The following ALG9 variants were observed in gnomAD, a reference collection of about 807,000 sequenced individuals.
The protein encoded by ALG9 is ALG9 alpha-1,2-mannosyltransferase.
ALG9 carries 55 observed loss-of-function variants against 81.8 expected under a neutral mutation model. That is an observed-to-expected ratio of 0.67 (90% CI 0.54 to 0.84). The LOEUF (loss-of-function observed/expected upper bound fraction) is 0.84, where lower values mean the gene tolerates loss of function less well. Ranked by LOEUF, ALG9 falls within the 40% of genes least tolerant of loss-of-function variation. ALG9 has a pLI of 0.00. For synonymous variants in ALG9, 278 were observed against 274.3 expected (o/e 1.01, Z -0.13); for missense variants, 629 against 745.0 (o/e 0.84, Z 1.81).
chr11:111,860,786 A>G (rs780977570), intron 4 of ALG9, among the ~76,000 whole-genome samples, 151 bp from the exon 5 acceptor site: 6 of 152,256 alleles, frequency 3.9e-5, no homozygotes, highest in Non-Finnish European at 5.9e-5. Flanking sequence ...CACTGTGCAT[A>G]AGAAACCCAA....
At chr11:111,836,111 A>G (rs946232067) in intron 13 of ALG9, 54 bp downstream of exon 13, 4 of 1,610,924 alleles carry the variant, frequency 2.5e-6, no homozygotes, top group Non-Finnish European at 3.4e-6. Flanking sequence ...ACACCAACAG[A>G]CTTTTAGGCA....
At position 111,782,355 on chromosome 11, in the gene ALG9, T is replaced by C. The variant is rs1946008466; in HGVS notation, c.*4042A>G. On this transcript the variant is annotated 3_prime_UTR_variant, in exon 15 of 15. Coordinates refer to ENST00000616540, the MANE Select transcript of ALG9 (RefSeq NM_024740.2). The stretch of plus-strand genomic sequence containing the variant: ...CTGCTTCCTGATTTCATTTGCAGCA[T>C]GAATCACCTGGTTATACAGACTGGC... 6.6e-6 allele frequency: 1 copy of C among 152,584 alleles called. No individual in the cohort carries two copies. Among genetic ancestry groups the C allele is most frequent in the Non-Finnish European group, 1.5e-5 (1 of 68,046 alleles). 9.5% of individuals were successfully genotyped at this position (152,584 alleles called of 1,614,324 possible). A position where few individuals can be genotyped will look rare whatever the true frequency, so the allele number is the denominator to read the frequency against.
intron 5 of ALG9, among the ~76,000 whole-genome samples, chr11:111,858,125 C>T (rs964753391): frequency 6.6e-6 from 1 of 151,958 alleles, no homozygotes; most frequent in Non-Finnish European, 1.5e-5. Flanking sequence ...TTAGTAGAGA[C>T]GGGGTTTCAC....
At chr11:111,835,028 G>T (rs1954997793) in intron 13 of ALG9, among the ~76,000 whole-genome samples, 2 of 152,178 alleles carry the variant, frequency 1.3e-5, no homozygotes, top group African/African-American at 4.8e-5. Context: ...AAACCCTGAG[G>T]GTCTCCATGG....
chr11:111,804,768 C>T (rs1478705085), intron 14 of ALG9, among the ~76,000 whole-genome samples: 3 of 152,230 alleles, frequency 2.0e-5, no homozygotes, highest in Non-Finnish European at 2.9e-5. Flanking sequence ...CCACTACACA[C>T]CCATTAGAAT....
intron 13 of ALG9, among the ~76,000 whole-genome samples, chr11:111,810,840 G>A (rs896128100): frequency 6.6e-6 from 1 of 152,216 alleles, no homozygotes; most frequent in Non-Finnish European, 1.5e-5. Context: ...TTTGAAACAT[G>A]TACAGATATG....
intron 4 of ALG9, among the ~76,000 whole-genome samples, chr11:111,863,969 A>C (rs1961329737): frequency 6.6e-6 from 1 of 152,168 alleles, no homozygotes; most frequent in African/African-American, 2.4e-5. Flanking sequence ...AGAAAACGAT[A>C]ATTAGAAGTA....
At chr11:111,822,408 C>A (rs376550216) in intron 13 of ALG9, among the ~76,000 whole-genome samples, 235 of 66,484 alleles carry the variant, frequency 3.5e-3, no homozygotes, top group South Asian at 5.7e-3. Context: ...AACTCAGTCT[C>A]AAAAAAAAAA....
At chr11:111,870,151 A>T in intron 2 of ALG9, 81 bp downstream of exon 2, 3 of 1,437,154 alleles carry the variant, frequency 2.1e-6, no homozygotes, top group Non-Finnish European at 2.8e-6. Flanking sequence ...TCACACTTGT[A>T]TATTATTTGT....
intron 11 of ALG9, among the ~76,000 whole-genome samples, chr11:111,838,013 A>G (rs889373621): frequency 1.3e-5 from 2 of 152,232 alleles, no homozygotes; most frequent in African/African-American, 2.4e-5. Flanking sequence ...AAAGAAAAAA[A>G]CAACAAAAAT....
In ALG9 at chr11:111,786,143, A is replaced by G. The variant is rs782728364; in HGVS notation, c.*254T>C. ...AAAACAATGAGATGTGGAGCAATATATCTATCTGTGCTTTAGGGCCTTTCT... is the reference window on the plus strand; with the variant it reads ...AAAACAATGAGATGTGGAGCAATATGTCTATCTGTGCTTTAGGGCCTTTCT... On this transcript the variant is annotated 3_prime_UTR_variant, in exon 15 of 15. Transcript: ENST00000616540. The G allele has an allele frequency of 5.4e-6, 3 of 554,160 alleles. No homozygotes were observed. Among genetic ancestry groups the G allele is most frequent in the Non-Finnish European group, 1.0e-5 (3 of 291,066 alleles). 34.3% of individuals were successfully genotyped at this position (554,160 alleles called of 1,614,324 possible). A position where few individuals can be genotyped will look rare whatever the true frequency, so the allele number is the denominator to read the frequency against.
intron 14 of ALG9, among the ~76,000 whole-genome samples, chr11:111,799,147 A>G (rs1555078214): frequency 6.6e-5 from 10 of 152,004 alleles, no homozygotes; most frequent in Admixed American, 5.9e-4. Flanking sequence ...TATAACTCAC[A>G]GTATAATTTT....
intron 12 of ALG9, 36 bp from the exon 13 acceptor site, chr11:111,836,330 G>A (rs1555117671): frequency 1.9e-6 from 3 of 1,612,634 alleles, no homozygotes; most frequent in East Asian, 4.5e-5. Context: ...AAAAACACAG[G>A]GGGATAATAT....
At chr11:111,850,199 G>A (rs1364853575) in intron 8 of ALG9, among the ~76,000 whole-genome samples, 2 of 152,024 alleles carry the variant, frequency 1.3e-5, no homozygotes, top group African/African-American at 4.8e-5. Context: ...TCTCAAGCTA[G>A]CACCACAACA....
downstream of ALG9, among the ~76,000 whole-genome samples, chr11:111,781,315 T>G (rs893997245): frequency 6.6e-6 from 1 of 152,136 alleles, no homozygotes; most frequent in Non-Finnish European, 1.5e-5. Context: ...AAAAAAAAAT[T>G]TATTCCAGCT....
intron 2 of ALG9, among the ~76,000 whole-genome samples, chr11:111,869,778 A>AG (rs1398274095): frequency 1.4e-4 from 21 of 152,288 alleles, no homozygotes; most frequent in Non-Finnish European, 2.9e-5. Flanking sequence ...GCTTGAGCCT[A>AG]GGAGTTAAAT....
At chr11:111,827,811 GA>G (rs1565903206) in intron 13 of ALG9, among the ~76,000 whole-genome samples, 1 of 150,690 alleles carries the variant, frequency 6.6e-6, no homozygotes, top group Non-Finnish European at 1.5e-5. Flanking sequence ...AGGTTGCAGT[GA>G]GCTGAGATTA....
intron 14 of ALG9, among the ~76,000 whole-genome samples, chr11:111,798,440 T>C (rs925199713): frequency 1.3e-5 from 2 of 151,856 alleles, no homozygotes; most frequent in African/African-American, 4.8e-5. Flanking sequence ...CAACCAAACA[T>C]CTCTCAGCAC....
At chr11:111,844,063 C>T (rs181618594) in intron 9 of ALG9, among the ~76,000 whole-genome samples, 2 of 151,754 alleles carry the variant, frequency 1.3e-5, no homozygotes, top group East Asian at 1.9e-4. Flanking sequence ...AGTGCAGCGG[C>T]GCAGGGTCTT....
Sources: allele counts gnomAD v4.1 joint callset (sites outside exome capture counted in the v4.1 genomes callset), GRCh38; gene constraint gnomAD v4.1.1; transcripts MANE v1.5; gene names NCBI Gene and HGNC (gene_info 2026-07-23, HGNC 2026-07-21).